GRM5: variants seen among roughly 807,000 people sequenced by gnomAD.
GRM5 encodes the protein metabotropic glutamate receptor 5.
GRM5 carries 19 observed loss-of-function variants against 83.1 expected under a neutral mutation model. That is an observed-to-expected ratio of 0.23 (90% CI 0.16 to 0.34). GRM5 has a LOEUF of 0.34. Among genes scored for constraint, GRM5 ranks in the 10% least tolerant of loss-of-function variants. The pLI is 1.00. For missense variants in GRM5, 1,160 were observed against 1,588.3 expected (o/e 0.73, Z 4.58); for synonymous variants, 675 against 633.6 (o/e 1.07, Z -0.98).
chr11:88,978,256 A>G (rs1939403605), intron 2 of GRM5, among the ~76,000 whole-genome samples: 1 of 152,132 alleles, frequency 6.6e-6, no homozygotes, highest in Non-Finnish European at 1.5e-5. Context: ...ATAAACAAGA[A>G]AGCTGGAAGA....
At chr11:88,651,474 C>A (rs1422424162) in intron 4 of GRM5, among the ~76,000 whole-genome samples, 1 of 151,984 alleles carries the variant, frequency 6.6e-6, no homozygotes, top group Non-Finnish European at 1.5e-5. Flanking sequence ...ATAGAATAGA[C>A]CACAGAAGGA....
chr11:89,027,693 C>T (rs1403030777), intron 2 of GRM5, among the ~76,000 whole-genome samples: 1 of 152,172 alleles, frequency 6.6e-6, no homozygotes, highest in Non-Finnish European at 1.5e-5. Context: ...TTTCTGTTTT[C>T]ATTAGGACAT....
chr11:88,638,167 AG>A (rs1238335067), intron 4 of GRM5, among the ~76,000 whole-genome samples: 1 of 72,314 alleles, frequency 1.4e-5, no homozygotes, highest in Admixed American at 2.1e-4. Flanking sequence ...GGGTGGGGGG[AG>A]GGGGGAGGGA....
At chr11:88,611,450 G>T (rs372208996) in intron 4 of GRM5, among the ~76,000 whole-genome samples, 1 of 152,088 alleles carries the variant, frequency 6.6e-6, no homozygotes, top group African/African-American at 2.4e-5. Context: ...TTGAGAGGCT[G>T]GGTGTTTTCA....
At chr11:88,852,671 TAAGA>T (rs1053982913) in intron 2 of GRM5, among the ~76,000 whole-genome samples, 10 of 152,212 alleles carry the variant, frequency 6.6e-5, no homozygotes, top group African/African-American at 2.2e-4. Context: ...AAAACTGCTC[TAAGA>T]AAGAAAGTTT....
intron 8 of GRM5, among the ~76,000 whole-genome samples, chr11:88,542,992 C>T (rs777790064): frequency 2.0e-4 from 31 of 152,076 alleles, no homozygotes; most frequent in Non-Finnish European, 3.5e-4. Flanking sequence ...CACCTGAGCC[C>T]GGGAAGTGGA....
At position 89,002,036 on chromosome 11, in the gene GRM5, T is replaced by C. The variant is rs574013088; in HGVS notation, c.661+45176A>G. Among the ~76,000 whole-genome samples the C allele has an allele frequency of 9.8e-5, 15 of 152,322 alleles. No homozygotes were observed. The East Asian group carries it at 2.1e-3, about 22-fold the overall frequency. On this transcript the variant is annotated intron_variant, in intron 2 of 9. Transcript: ENST00000305447. ...TTCTCCCCCTAGAGAGCTGGAAATA[T>C]GGTTGATAACAACATTTTAAAAGGC...
At chr11:88,986,562 A>G (rs1276395288) in intron 2 of GRM5, among the ~76,000 whole-genome samples, 1 of 152,102 alleles carries the variant, frequency 6.6e-6, no homozygotes, top group African/African-American at 2.4e-5. Flanking sequence ...GTTTTTTGCT[A>G]CTAAGTTGTA....
Position 88,749,467 on chromosome 11 carries a change from T to C in GRM5, c.912-96064A>G, listed in dbSNP as rs895902833. On this transcript the variant is annotated intron_variant, in intron 3 of 9. Coordinates refer to ENST00000305447, the MANE Select transcript of GRM5 (RefSeq NM_001143831.3). Reference sequence around the variant, plus strand: ...GTAAAAAGACTAAACTTATGACAGATTGGGGTACCAAAAAGAGGTGGGGAA... The same window carrying C: ...GTAAAAAGACTAAACTTATGACAGACTGGGGTACCAAAAAGAGGTGGGGAA... Among the ~76,000 whole-genome samples the C allele has an allele frequency of 9.2e-5, 14 of 152,116 alleles. 1 individual carries two copies. Among genetic ancestry groups the C allele is most frequent in the Admixed American group, 8.5e-4 (13 of 15,256 alleles).
At chr11:88,705,256 G>C (rs1306912637) in intron 3 of GRM5, among the ~76,000 whole-genome samples, 1 of 152,028 alleles carries the variant, frequency 6.6e-6, no homozygotes, top group Non-Finnish European at 1.5e-5. Flanking sequence ...AGCAGTGCTT[G>C]AGCTGCACTC....
At chr11:89,064,941 G>GAGAGAGAGAGAGAGA (rs56894219) in intron 1 of GRM5, among the ~76,000 whole-genome samples, 5 of 37,040 alleles carry the variant, frequency 1.3e-4, no homozygotes, top group African/African-American at 4.0e-4. Context: ...AGAGAGAGAG[G>GAGAGAGAGAGAGAGA]GAGAGAGAGA....
chr11:89,059,683 A>G (rs1941947514), intron 1 of GRM5, among the ~76,000 whole-genome samples: 1 of 152,150 alleles, frequency 6.6e-6, no homozygotes, highest in Admixed American at 6.5e-5. Context: ...AACATAGGAA[A>G]CGCAGAAAAC....
chr11:88,568,049 T>C (rs1942909137), intron 7 of GRM5, 57 bp from the exon 8 acceptor site: 1 of 1,115,832 alleles, frequency 9.0e-7, no homozygotes, highest in Non-Finnish European at 1.3e-6. Flanking sequence ...TTGGGTCACA[T>C]ATCCCTAAGT....
At chr11:88,988,271 T>C (rs1433976266) in intron 2 of GRM5, among the ~76,000 whole-genome samples, 2 of 151,656 alleles carry the variant, frequency 1.3e-5, no homozygotes, top group Admixed American at 6.6e-5. Context: ...CGATGGAAGA[T>C]GAAATGAATG....
intron 1 of GRM5, among the ~76,000 whole-genome samples, chr11:89,054,657 G>C (rs533530803): frequency 6.6e-6 from 1 of 152,138 alleles, no homozygotes; most frequent in Non-Finnish European, 1.5e-5. Flanking sequence ...TCAATGGTAA[G>C]GAATAATCAG....
intron 2 of GRM5, among the ~76,000 whole-genome samples, chr11:88,882,039 T>C (rs1364766231): frequency 5.3e-5 from 8 of 151,816 alleles, no homozygotes; most frequent in African/African-American, 1.7e-4. Flanking sequence ...CTCAGGACTT[T>C]GAGACCAGCC....
chr11:88,833,426 C>A (rs1449566492), intron 3 of GRM5, among the ~76,000 whole-genome samples: 1 of 151,994 alleles, frequency 6.6e-6, no homozygotes, highest in Non-Finnish European at 1.5e-5. Context: ...GTCAAAACCA[C>A]AGTGAGGTAT....
chr11:88,632,140 C>T (rs1320998679), intron 4 of GRM5, among the ~76,000 whole-genome samples: 1 of 151,944 alleles, frequency 6.6e-6, no homozygotes, highest in Non-Finnish European at 1.5e-5. Context: ...CTTTGTAATC[C>T]ATCACTCCCC....
intron 3 of GRM5, among the ~76,000 whole-genome samples, chr11:88,732,730 G>A (rs1411857209): frequency 6.6e-6 from 1 of 151,978 alleles, no homozygotes; most frequent in Non-Finnish European, 1.5e-5. Context: ...TTAGTGGAGT[G>A]AAAAATACTC....
Sources: gnomAD v4.1 joint callset for allele counts (sites outside exome capture counted in the v4.1 genomes callset) on GRCh38, gnomAD v4.1.1 for gene constraint, MANE v1.5 for transcripts, NCBI Gene and HGNC (gene_info 2026-07-23, HGNC 2026-07-21) for gene names.